The following CD38 variants were observed in gnomAD, a reference collection of about 807,000 sequenced individuals.
The protein encoded by CD38 is CD38 molecule.
In CD38, 31 loss-of-function variants were observed where a neutral mutation model predicts 36.3. That is an observed-to-expected ratio of 0.85 (90% CI 0.64 to 1.15). The LOEUF (loss-of-function observed/expected upper bound fraction) is 1.15, where lower values mean the gene tolerates loss of function less well. Among genes scored for constraint, CD38 ranks in the 50% most tolerant of loss-of-function variants. CD38 has a pLI of 0.00. For synonymous variants in CD38, 131 were observed against 135.2 expected (o/e 0.97, Z 0.22); for missense variants, 380 against 371.9 (o/e 1.02, Z -0.18).
intron 2 of CD38, among the ~76,000 whole-genome samples, chr4:15,823,739 G>A (rs1334709177): frequency 6.6e-6 from 1 of 152,204 alleles, no homozygotes; most frequent in Non-Finnish European, 1.5e-5. Flanking sequence ...TTCAACCATT[G>A]TGGAAGATAG....
At chr4:15,809,085 G>C (rs1397259531) in intron 1 of CD38, among the ~76,000 whole-genome samples, 1 of 152,198 alleles carries the variant, frequency 6.6e-6, no homozygotes, top group East Asian at 1.9e-4. Context: ...TGTGAATGAG[G>C]ATCCAATGAG....
At chr4:15,821,491 A>C (rs58955205) in intron 2 of CD38, among the ~76,000 whole-genome samples, 1 of 152,026 alleles carries the variant, frequency 6.6e-6, no homozygotes, top group African/African-American at 2.4e-5. Flanking sequence ...ATACAATAAA[A>C]TGATAAAGGG....
At chr4:15,830,780 A>G (rs1235549047) in intron 3 of CD38, among the ~76,000 whole-genome samples, 1 of 151,906 alleles carries the variant, frequency 6.6e-6, no homozygotes. Context: ...TTATTTTTGT[A>G]TGTGATTTGA....
intron 1 of CD38, among the ~76,000 whole-genome samples, chr4:15,811,567 T>C (rs1021705727): frequency 3.3e-4 from 50 of 152,206 alleles, no homozygotes; most frequent in African/African-American, 1.1e-3. Context: ...CACTCTTGTC[T>C]AAAATTAATT....
At chr4:15,795,257 AAG>A (rs1491164090) in intron 1 of CD38, among the ~76,000 whole-genome samples, 2 of 151,958 alleles carry the variant, frequency 1.3e-5, no homozygotes, top group Non-Finnish European at 2.9e-5. Flanking sequence ...AAAGGGCTGA[AAG>A]GGGAGGAATG....
intron 2 of CD38, among the ~76,000 whole-genome samples, chr4:15,824,374 C>T (rs764547041): frequency 4.6e-5 from 7 of 151,666 alleles, no homozygotes; most frequent in Non-Finnish European, 8.8e-5. Flanking sequence ...TAATTCTGAA[C>T]TTTGACTCCC....
Position 15,816,561 on chromosome 4 carries a change from CA to C in CD38, c.288del (p.Lys96AsnfsTer14). On this transcript the variant is annotated frameshift_variant, in exon 2 of 8. Coordinates refer to ENST00000226279, the MANE Select transcript of CD38 (RefSeq NM_001775.4). LOFTEE classifies it high-confidence loss of function. ...VWDAFKGAFISKHPCNITEED... is the reference protein window; with the variant it reads ...VWDAFKGAFIXKHPCNITEED... ...GATGCTTTCAAGGGTGCATTTATTTCAAAACATCCTTGCAACATTACTGAAG... is the reference window on the plus strand; with the variant it reads ...GATGCTTTCAAGGGTGCATTTATTTCAAACATCCTTGCAACATTACTGAAG... 1 of 1,613,556 alleles carries C rather than the reference CA, an allele frequency of 6.2e-7. No individual in the cohort carries two copies. Among genetic ancestry groups the C allele is most frequent in the Non-Finnish European group, 8.5e-7 (1 of 1,179,574 alleles).
intron 1 of CD38, among the ~76,000 whole-genome samples, chr4:15,812,030 C>A (rs371746322): frequency 1.3e-5 from 2 of 152,138 alleles, no homozygotes; most frequent in Admixed American, 6.5e-5. Flanking sequence ...GGGTGTTATT[C>A]AAGGTTGAGG....
At chr4:15,831,426 T>C (rs1231879520) in intron 3 of CD38, among the ~76,000 whole-genome samples, 1 of 152,194 alleles carries the variant, frequency 6.6e-6, no homozygotes, top group East Asian at 1.9e-4. Flanking sequence ...TTCTTTCTAA[T>C]TGAAGTACTC....
rs372133097 is a variant in CD38, at chr4:15,824,933, A to G, written c.416A>G (p.Gln139Arg). 6.2e-7 allele frequency: 1 copy of G among 1,613,470 alleles called. No homozygotes were observed. Among genetic ancestry groups the G allele is most frequent in the African/African-American group, 1.3e-5 (1 of 74,902 alleles). Residue 139 changes from glutamine (Q) to arginine (R), a missense_variant, in exon 3 of 8, where the codon CAG becomes CGG. Transcript: ENST00000226279. ...CTGGCCCATCAGTTCACACAGGTCC[A>G]GCGGGACATGTTCACCCTGGAGGAC... ...KDLAHQFTQV[Q>R]RDMFTLEDTL...
At chr4:15,806,832 C>T (rs114061728) in intron 1 of CD38, among the ~76,000 whole-genome samples, 159 of 152,290 alleles carry the variant, frequency 1.0e-3, no homozygotes, top group African/African-American at 3.6e-3. Context: ...CGGAGGTGAG[C>T]AGAAAACTGC....
At chr4:15,796,797 G>A (rs1024168923) in intron 1 of CD38, among the ~76,000 whole-genome samples, 1 of 151,848 alleles carries the variant, frequency 6.6e-6, no homozygotes, top group Non-Finnish European at 1.5e-5. Flanking sequence ...AATGTATCTT[G>A]ATGATCAGTG....
At chr4:15,820,466 A>G (rs1723708019) in intron 2 of CD38, among the ~76,000 whole-genome samples, 1 of 152,228 alleles carries the variant, frequency 6.6e-6, no homozygotes, top group Non-Finnish European at 1.5e-5. Flanking sequence ...AAAGACACAC[A>G]TAGGCTCAAA....
chr4:15,790,057 T>G (rs941505524), intron 1 of CD38, among the ~76,000 whole-genome samples: 1 of 151,784 alleles, frequency 6.6e-6, no homozygotes, highest in African/African-American at 2.4e-5. Flanking sequence ...GAGAACATCC[T>G]AGGTAAAAGG....
At chr4:15,847,508 A>G (rs1724281915) in intron 7 of CD38, among the ~76,000 whole-genome samples, 1 of 107,728 alleles carries the variant, frequency 9.3e-6, no homozygotes, top group East Asian at 3.1e-4. Flanking sequence ...ATGTATACAT[A>G]TGTAACTAAC....
chr4:15,785,612 A>G (rs1041149893), intron 1 of CD38, among the ~76,000 whole-genome samples: 1 of 151,972 alleles, frequency 6.6e-6, no homozygotes, highest in Non-Finnish European at 1.5e-5. Flanking sequence ...AGGACTCTTG[A>G]AAAACAGCTG....
intron 1 of CD38, among the ~76,000 whole-genome samples, chr4:15,787,908 A>G (rs1336238612): frequency 6.6e-6 from 1 of 152,214 alleles, no homozygotes; most frequent in Non-Finnish European, 1.5e-5. Context: ...CAGTCTCGCC[A>G]GAGGATGATG....
chr4:15,799,604 G>GTA (rs1723174028), intron 1 of CD38, among the ~76,000 whole-genome samples: 1 of 152,106 alleles, frequency 6.6e-6, no homozygotes, highest in South Asian at 2.1e-4. Flanking sequence ...TCTATTGTGT[G>GTA]TATATATCAC....
At chr4:15,837,274 C>T (rs545625256) in intron 4 of CD38, among the ~76,000 whole-genome samples, 3 of 152,334 alleles carry the variant, frequency 2.0e-5, no homozygotes, top group African/African-American at 7.2e-5. Flanking sequence ...GCCAATCACT[C>T]ATGGATGTAT....
Sources: allele counts gnomAD v4.1 joint callset (sites outside exome capture counted in the v4.1 genomes callset), GRCh38; gene constraint gnomAD v4.1.1; transcripts MANE v1.5; gene names NCBI Gene and HGNC (gene_info 2026-07-23, HGNC 2026-07-21).